Variants in LHCGR observed in about 807,000 individuals in gnomAD.
LHCGR encodes luteinizing hormone/choriogonadotropin receptor.
Under a neutral mutation model 60.7 loss-of-function variants are expected in LHCGR, and 55 were observed. The observed-to-expected ratio is 0.91, with a 90% CI of 0.73 to 1.13. The LOEUF is 1.13. Ranked by LOEUF, LHCGR falls within the 50% of genes most tolerant of loss-of-function variation. LHCGR has a pLI of 0.00. For missense variants in LHCGR, 862 were observed against 836.0 expected (o/e 1.03, Z -0.38); for synonymous variants, 337 against 316.5 (o/e 1.06, Z -0.69).
chr2:48,698,090 G>C (rs1192777763), intron 9 of LHCGR, among the ~76,000 whole-genome samples: 3 of 152,174 alleles, frequency 2.0e-5, no homozygotes, highest in Non-Finnish European at 4.4e-5. Flanking sequence ...CCATGCAGGA[G>C]CTCCTTCCCT....
intron 6 of LHCGR, chr2:48,721,382 A>T (rs1572861718): frequency 4.4e-6 from 1 of 229,502 alleles, no homozygotes; most frequent in East Asian, 1.0e-4. Flanking sequence ...GCAGGAGTGG[A>T]GAGACTGTTG....
intron 10 of LHCGR, among the ~76,000 whole-genome samples, chr2:48,689,860 G>T (rs1412355908): frequency 6.6e-6 from 1 of 152,038 alleles, no homozygotes; most frequent in African/African-American, 2.4e-5. Flanking sequence ...GACTACAGGC[G>T]CATGCCACCG....
intron 6 of LHCGR, among the ~76,000 whole-genome samples, chr2:48,719,204 C>A (rs931510170): frequency 1.3e-5 from 2 of 152,042 alleles, no homozygotes; most frequent in Non-Finnish European, 2.9e-5. Context: ...CGCCTGTGGT[C>A]CCAGCTACTT....
chr2:48,728,517 A>G (rs1668846204), intron 3 of LHCGR, among the ~76,000 whole-genome samples: 1 of 152,194 alleles, frequency 6.6e-6, no homozygotes, highest in Admixed American at 6.5e-5. Context: ...CAGCTCTGGC[A>G]CTAACTTGCG....
At chr2:48,715,973 C>T (rs865987706) in intron 6 of LHCGR, among the ~76,000 whole-genome samples, 9 of 152,238 alleles carry the variant, frequency 5.9e-5, no homozygotes, top group Middle Eastern at 6.8e-3. Flanking sequence ...TGCCCTTCCC[C>T]GGGAAGGGGA....
intron 1 of LHCGR, among the ~76,000 whole-genome samples, chr2:48,746,637 T>A (rs1669720586): frequency 6.6e-6 from 1 of 152,186 alleles, no homozygotes; most frequent in Non-Finnish European, 1.5e-5. Context: ...TTAAGAAGAT[T>A]CCTGGATAAT....
chr2:48,690,578 C>CGT (rs1680182477), intron 10 of LHCGR, among the ~76,000 whole-genome samples: 1 of 152,144 alleles, frequency 6.6e-6, no homozygotes, highest in African/African-American at 2.4e-5. Context: ...TAAAATGACT[C>CGT]GTAGTTCTCT....
chr2:48,702,131 T>C (rs1459855471), intron 8 of LHCGR, among the ~76,000 whole-genome samples: 1 of 152,182 alleles, frequency 6.6e-6, no homozygotes, highest in Admixed American at 6.5e-5. Context: ...GCACAGTATC[T>C]GGAACTCTGT....
intron 3 of LHCGR, among the ~76,000 whole-genome samples, chr2:48,728,629 G>A (rs1668851131): frequency 6.6e-6 from 1 of 151,984 alleles, no homozygotes; most frequent in Non-Finnish European, 1.5e-5. Flanking sequence ...GATTTTTTGG[G>A]GAAATGATAC....
chr2:48,745,729 G>T (rs2103711934), intron 1 of LHCGR, among the ~76,000 whole-genome samples: 1 of 150,962 alleles, frequency 6.6e-6, no homozygotes, highest in East Asian at 2.0e-4. Context: ...ATAGCGTTGG[G>T]AGATATACCT....
chr2:48,727,339 C>T (rs1668782169), intron 3 of LHCGR, among the ~76,000 whole-genome samples: 1 of 151,996 alleles, frequency 6.6e-6, no homozygotes, highest in African/African-American at 2.4e-5. Flanking sequence ...ATTTAACAAA[C>T]ATTTATTGGG....
intron 9 of LHCGR, among the ~76,000 whole-genome samples, chr2:48,695,442 T>G (rs1425601365): frequency 6.6e-6 from 1 of 152,202 alleles, no homozygotes; most frequent in Non-Finnish European, 1.5e-5. Flanking sequence ...GGAATTCTCA[T>G]ACACTGTTGG....
chr2:48,703,074 T>G (rs7583142), intron 8 of LHCGR, among the ~76,000 whole-genome samples: 17,552 of 152,284 alleles, frequency 0.12, 1,156 homozygotes, highest in African/African-American at 0.17. Flanking sequence ...TGTCTTCTTT[T>G]GAGAAGTGTC....
At chr2:48,714,232 C>A (rs1668130596) in intron 6 of LHCGR, among the ~76,000 whole-genome samples, 178 bp from the exon 7 acceptor site, 1 of 152,218 alleles carries the variant, frequency 6.6e-6, no homozygotes, top group African/African-American at 2.4e-5. Flanking sequence ...CTAGATACTT[C>A]ATCAGCCACT....
chr2:48,692,297 G>A (rs1443327680), intron 10 of LHCGR, among the ~76,000 whole-genome samples: 1 of 152,140 alleles, frequency 6.6e-6, no homozygotes, highest in East Asian at 1.9e-4. Flanking sequence ...AAGCACTATT[G>A]TAAAACTTCT....
At chr2:48,741,855 T>C (rs1279373890) in intron 1 of LHCGR, among the ~76,000 whole-genome samples, 2 of 150,862 alleles carry the variant, frequency 1.3e-5, no homozygotes, top group Non-Finnish European at 3.0e-5. Flanking sequence ...TAACTTTAAA[T>C]GTAAATGGAC....
At chr2:48,735,996 C>G (rs1208995015) in intron 1 of LHCGR, among the ~76,000 whole-genome samples, 1 of 152,074 alleles carries the variant, frequency 6.6e-6, no homozygotes, top group Non-Finnish European at 1.5e-5. Context: ...AGCACCTCTC[C>G]TCTCTCTCTT....
intron 1 of LHCGR, among the ~76,000 whole-genome samples, chr2:48,736,282 A>C (rs1174079088): frequency 6.6e-6 from 1 of 152,106 alleles, no homozygotes; most frequent in African/African-American, 2.4e-5. Context: ...GTATAGAATA[A>C]AGGCCCAGCC....
Position 48,755,563 on chromosome 2 carries a change from C to A in LHCGR, c.109G>T (p.Val37Leu). 3 of 1,540,620 alleles carry A rather than the reference C, an allele frequency of 1.9e-6. No individual in the cohort carries two copies. The highest frequency in any genetic ancestry group is 2.6e-6 in the Non-Finnish European group (3 of 1,145,100). ...GGGCAGCGCAGGGCGCCGTCGGGCA[C>A]GCAGTTGCAGGGCTCAGGGCAGAGC... ...EALCPEPCNCVPDGALRCPGP... is the reference protein window; with the variant it reads ...EALCPEPCNCLPDGALRCPGP... Residue 37 changes from valine (V) to leucine (L), a missense_variant, in exon 1 of 11, where the codon GTG becomes TTG. Transcript: ENST00000294954.
Sources: allele counts gnomAD v4.1 joint callset (sites outside exome capture counted in the v4.1 genomes callset), GRCh38; gene constraint gnomAD v4.1.1; transcripts MANE v1.5; gene names NCBI Gene and HGNC (gene_info 2026-07-23, HGNC 2026-07-21).